CHODL: variants seen among roughly 807,000 people sequenced by gnomAD.
The protein encoded by CHODL is transmembrane protein MT75.
A neutral mutation model predicts 34.5 loss-of-function variants in CHODL; 29 were observed. The ratio of observed to expected loss-of-function variants is 0.84; its 90% CI spans 0.63 to 1.15. The LOEUF (loss-of-function observed/expected upper bound fraction) is 1.15, where lower values mean the gene tolerates loss of function less well. Ranked by LOEUF, CHODL falls within the 50% of genes most tolerant of loss-of-function variation. The pLI is 0.00. For synonymous variants in CHODL, 125 were observed against 116.1 expected, an observed-to-expected ratio of 1.08 and a Z score of -0.49; for missense variants, 332 against 332.5, an observed-to-expected ratio of 1.00 and a Z score of 0.01.
chr21:18,139,076 T>C (rs1754371624), intron 2 of CHODL, among the ~76,000 whole-genome samples: 1 of 152,214 alleles, frequency 6.6e-6, no homozygotes, highest in South Asian at 2.1e-4. Flanking sequence ...CGCATGAGTA[T>C]GTGTAAAAGC....
At chr21:18,257,156 G>T (rs565367785) in intron 3 of CHODL, 29 bp downstream of exon 3, 1 of 1,571,964 alleles carries the variant, frequency 6.4e-7, no homozygotes, top group Non-Finnish European at 8.6e-7. Context: ...AGGTATAGAA[G>T]ATTTTGTGCA....
At chr21:18,244,605 A>G (rs945112462), upstream of CHODL, among the ~76,000 whole-genome samples, 2 of 152,194 alleles carry the variant, frequency 1.3e-5, no homozygotes, top group Non-Finnish European at 2.9e-5. Flanking sequence ...CACATTTTAC[A>G]CAAAGAGTAT....
chr21:18,101,714 A>T (rs895742749), intron 2 of CHODL, among the ~76,000 whole-genome samples: 1 of 144,816 alleles, frequency 6.9e-6, no homozygotes, highest in South Asian at 2.2e-4. Context: ...CATTTACAAC[A>T]TTTTTTTTTT....
chr21:17,952,832 G>A (rs368152348), intron 1 of CHODL, among the ~76,000 whole-genome samples: 176 of 152,226 alleles, frequency 1.2e-3, no homozygotes, highest in African/African-American at 2.4e-3. Context: ...TCTCAGTCCC[G>A]CATGGCTGGG....
chr21:18,171,514 G>C (rs961558133), intron 2 of CHODL, among the ~76,000 whole-genome samples: 1 of 151,858 alleles, frequency 6.6e-6, no homozygotes, highest in East Asian at 1.9e-4. Context: ...GCCTTCTTTA[G>C]TTCTTTCAAC....
At chr21:18,100,959 G>T (rs2065205935) in intron 2 of CHODL, among the ~76,000 whole-genome samples, 1 of 152,058 alleles carries the variant, frequency 6.6e-6, no homozygotes, top group South Asian at 2.1e-4. Context: ...TAAATTGGGG[G>T]TATCAGATCA....
At chr21:18,039,616 C>G (rs2064351045) in intron 2 of CHODL, among the ~76,000 whole-genome samples, 1 of 151,578 alleles carries the variant, frequency 6.6e-6, no homozygotes, top group Non-Finnish European at 1.5e-5. Context: ...ACTCTAGAGC[C>G]TTGAACTTGC....
chr21:18,116,864 C>A (rs930101196), intron 2 of CHODL, among the ~76,000 whole-genome samples: 1 of 152,184 alleles, frequency 6.6e-6, no homozygotes, highest in African/African-American at 2.4e-5. Context: ...TCCTTCTCTG[C>A]ATGTTGGAAT....
chr21:17,934,088 T>TGA (rs992144466), intron 1 of CHODL, among the ~76,000 whole-genome samples: 4 of 150,308 alleles, frequency 2.7e-5, no homozygotes, highest in African/African-American at 9.8e-5. Context: ...CTCCAAAAGT[T>TGA]GAGAGAGAGA....
chr21:18,122,586 C>A (rs2065493416), intron 2 of CHODL, among the ~76,000 whole-genome samples: 1 of 152,042 alleles, frequency 6.6e-6, no homozygotes, highest in Non-Finnish European at 1.5e-5. Flanking sequence ...CTTCCAATGC[C>A]AGAGAGCCCT....
intron 1 of CHODL, among the ~76,000 whole-genome samples, chr21:17,950,779 T>A (rs1327647466): frequency 6.6e-6 from 1 of 152,068 alleles, no homozygotes; most frequent in Non-Finnish European, 1.5e-5. Context: ...GAGCCCCAAT[T>A]GCCAAGTAAG....
At chr21:18,152,740 C>G (rs955976452) in intron 2 of CHODL, among the ~76,000 whole-genome samples, 3 of 152,162 alleles carry the variant, frequency 2.0e-5, no homozygotes, top group African/African-American at 7.2e-5. Context: ...GTTCAGATCC[C>G]TCAAGAAGAA....
At chr21:18,264,861 GGCACCAGTAA>G (rs747321803) in intron 5 of CHODL, among the ~76,000 whole-genome samples, 8 of 151,978 alleles carry the variant, frequency 5.3e-5, no homozygotes, top group Non-Finnish European at 1.0e-4. Flanking sequence ...CAGAGACTGA[GGCACCAGTAA>G]GCTTCCAGAA....
intron 1 of CHODL, among the ~76,000 whole-genome samples, chr21:17,974,263 T>C (rs1182445789): frequency 1.3e-5 from 2 of 152,140 alleles, no homozygotes; most frequent in Non-Finnish European, 2.9e-5. Flanking sequence ...TTTAGAATTT[T>C]TTGTTTGTTT....
Position 17,956,674 on chromosome 21 carries a change from G to A in CHODL, c.-145+39274G>A, listed in dbSNP as rs902203112. 2.2e-5 allele frequency among the ~76,000 whole-genome samples: 3 copies of A among 136,254 alleles called. 1 individual carries two copies. The highest frequency in any genetic ancestry group is 2.9e-4 in the South Asian group (1 of 3,436). 89.4% of individuals were successfully genotyped at this position (136,254 alleles called of 152,430 possible). ...GAGGGCCCACTTCTGGTACCTTAGA[G>A]AGCTATCTTCTCACTGTGTTTTCAT... On this transcript the variant is annotated intron_variant, in intron 1 of 6. Coordinates refer to the CHODL transcript ENST00000400127.
intron 1 of CHODL, among the ~76,000 whole-genome samples, chr21:18,015,299 C>T (rs1339766519): frequency 1.3e-5 from 2 of 152,104 alleles, no homozygotes; most frequent in African/African-American, 4.8e-5. Flanking sequence ...AGCACTTCCC[C>T]CTTTGCCTTC....
intron 2 of CHODL, among the ~76,000 whole-genome samples, chr21:18,219,680 G>A (rs1055595451): frequency 3.3e-5 from 5 of 151,896 alleles, no homozygotes; most frequent in Non-Finnish European, 7.4e-5. Context: ...GATTATTAGG[G>A]ATATCCAGCA....
chr21:18,169,325 C>G (rs940794458), intron 2 of CHODL, among the ~76,000 whole-genome samples: 11 of 151,780 alleles, frequency 7.2e-5, no homozygotes, highest in Non-Finnish European at 1.5e-4. Context: ...CTTTAATTCT[C>G]CTTATTTTTG....
intron 2 of CHODL, among the ~76,000 whole-genome samples, chr21:18,178,730 A>G (rs2073346142): frequency 6.6e-6 from 1 of 152,190 alleles, no homozygotes; most frequent in Non-Finnish European, 1.5e-5. Flanking sequence ...CTGAGGAGGA[A>G]GAAGAGGAGA....
Sources: gnomAD v4.1 joint callset for allele counts (sites outside exome capture counted in the v4.1 genomes callset) on GRCh38, gnomAD v4.1.1 for gene constraint, MANE v1.5 for transcripts, NCBI Gene and HGNC (gene_info 2026-07-23, HGNC 2026-07-21) for gene names.